The following PAK1 variants were observed in gnomAD, a reference collection of about 807,000 sequenced individuals.
PAK1 encodes the protein p21 (RAC1) activated kinase 1, also known as serine/threonine-protein kinase PAK 1.
PAK1 carries 29 observed loss-of-function variants against 67.4 expected under a neutral mutation model. The observed-to-expected ratio is 0.43, with a 90% confidence interval of 0.32 to 0.59. The LOEUF is 0.59. Among genes scored for constraint, PAK1 ranks in the 20% least tolerant of loss-of-function variants. The probability of loss-of-function intolerance (pLI) is 0.07; values close to 1 mark genes in which losing one functional copy is unlikely to be tolerated. For missense variants in PAK1, 337 were observed against 670.7 expected (o/e 0.50, Z 5.50); for synonymous variants, 223 against 237.4 (o/e 0.94, Z 0.56).
chr11:77,324,889 A>C (rs1939416925), intron 14 of PAK1, among the ~76,000 whole-genome samples: 1 of 152,234 alleles, frequency 6.6e-6, no homozygotes, highest in Non-Finnish European at 1.5e-5. Context: ...GATAGTATAA[A>C]GAGCTACTGA....
At chr11:77,485,455 C>A in the PAK1 span, among the ~76,000 whole-genome samples, 1 of 149,434 alleles carries the variant, frequency 6.7e-6, no homozygotes, top group Non-Finnish European at 1.5e-5. Flanking sequence ...CTACTATATA[C>A]CCACAAAAAT....
In PAK1 at chr11:77,374,991, G is replaced by A. The variant is rs529305094; in HGVS notation, c.440-626C>T. ...TGAGTAAATGTGAAGGCCTAAGTAG[G>A]ACATTACCAGTGTACACTTAGGCTA... On this transcript the variant is annotated intron_variant, in intron 4 of 14. Transcript: ENST00000356341. Among the ~76,000 whole-genome samples the A allele has an allele frequency of 3.9e-5, 6 of 152,256 alleles. 1 individual carries two copies. Among genetic ancestry groups the A allele is most frequent in the Admixed American group, 1.3e-4 (2 of 15,288 alleles).
At chr11:77,460,992 G>A (rs1028015199) in intron 1 of PAK1, among the ~76,000 whole-genome samples, 2 of 152,186 alleles carry the variant, frequency 1.3e-5, no homozygotes, top group African/African-American at 4.8e-5. Context: ...AACTAGGCTT[G>A]TGGAAAAGGT....
chr11:77,432,155 C>A (rs1241783051), intron 1 of PAK1, among the ~76,000 whole-genome samples: 2 of 152,030 alleles, frequency 1.3e-5, no homozygotes, highest in East Asian at 1.9e-4. Context: ...AAAATCAATT[C>A]ATTAATACCC....
In PAK1 at chr11:77,451,984, T is replaced by C. The variant is rs531225718; in HGVS notation, c.-22+21568A>G. ...ATTTCTTTTCCCCTACATTTATATA[T>C]ATTAATGTCCTCAAAACAACCCTGT... is the stretch of plus-strand genomic sequence containing the variant. On this transcript the variant is annotated intron_variant, in intron 1 of 14. Coordinates refer to ENST00000356341, the MANE Select transcript of PAK1 (RefSeq NM_002576.5). 9.2e-5 allele frequency among the ~76,000 whole-genome samples: 14 copies of C among 152,318 alleles called. No homozygotes were observed. The South Asian group carries it at 2.1e-3, about 23-fold the overall frequency.
At chr11:77,347,065 A>C (rs538878260) in intron 9 of PAK1, 1 of 456,224 alleles carries the variant, frequency 2.2e-6, no homozygotes, top group Non-Finnish European at 4.4e-6. Flanking sequence ...GGACTCCAAT[A>C]AAGATTTATT....
Position 77,462,046 on chromosome 11 carries a change from G to A in PAK1, c.-22+11506C>T, listed in dbSNP as rs573724463. Reference sequence around the variant, plus strand: ...CTTTAAGAATTTTCCACATCTTTTCGCCGGGCGCTGTGGCTCACGCCTGTA... The same window carrying A: ...CTTTAAGAATTTTCCACATCTTTTCACCGGGCGCTGTGGCTCACGCCTGTA... On this transcript the variant is annotated intron_variant, in intron 1 of 14. Coordinates refer to ENST00000356341, the MANE Select transcript of PAK1 (RefSeq NM_002576.5). 4.6e-4 allele frequency among the ~76,000 whole-genome samples: 70 copies of A among 152,272 alleles called. 1 individual carries two copies. The South Asian group carries it at 0.012, about 27-fold the overall frequency.
At chr11:77,345,040 T>A (rs973075937) in intron 9 of PAK1, among the ~76,000 whole-genome samples, 1 of 152,204 alleles carries the variant, frequency 6.6e-6, no homozygotes, top group African/African-American at 2.4e-5. Flanking sequence ...TTACTCTTTT[T>A]GTATCAGGCC....
chr11:77,408,707 T>C (rs1424699941), intron 1 of PAK1, among the ~76,000 whole-genome samples: 2 of 151,952 alleles, frequency 1.3e-5, no homozygotes, highest in Non-Finnish European at 2.9e-5. Context: ...ACCCACAAAA[T>C]GGGAGAAAAT....
chr11:77,383,484 C>G (rs1292014582), intron 2 of PAK1, among the ~76,000 whole-genome samples: 1 of 152,068 alleles, frequency 6.6e-6, no homozygotes, highest in Non-Finnish European at 1.5e-5. Flanking sequence ...CGCCACCATA[C>G]CCAGTTACTT....
the PAK1 span, among the ~76,000 whole-genome samples, chr11:77,488,282 C>A: frequency 3.3e-3 from 496 of 152,212 alleles, 5 homozygotes; most frequent in African/African-American, 0.012. Context: ...GATCACAACA[C>A]CCGAGTCCCT....
the PAK1 span, among the ~76,000 whole-genome samples, chr11:77,512,095 G>A: frequency 2.6e-5 from 4 of 152,174 alleles, no homozygotes; most frequent in Non-Finnish European, 5.9e-5. Flanking sequence ...GGGTCCAGTG[G>A]GGAAGGAAAG....
At chr11:77,495,727 T>C in the PAK1 span, among the ~76,000 whole-genome samples, 1 of 152,198 alleles carries the variant, frequency 6.6e-6, no homozygotes, top group Non-Finnish European at 1.5e-5. Context: ...AAAGAACTTC[T>C]TGCACATGCT....
the PAK1 span, among the ~76,000 whole-genome samples, chr11:77,520,007 C>CT: frequency 1.3e-5 from 2 of 152,282 alleles, no homozygotes; most frequent in Admixed American, 6.5e-5. Context: ...CTGTGGCCCC[C>CT]CCCTCCGCCC....
chr11:77,385,542 T>C (rs1950337396), intron 2 of PAK1, among the ~76,000 whole-genome samples: 1 of 152,170 alleles, frequency 6.6e-6, no homozygotes, highest in Admixed American at 6.5e-5. Context: ...TATATCTAAA[T>C]AAGGATTCCT....
At position 77,349,468 on chromosome 11, in the gene PAK1, T is replaced by C. The variant is rs1944928306; in HGVS notation, c.837-181A>G. The C allele has an allele frequency of 9.9e-6, 6 of 604,234 alleles. No homozygotes were observed. In the East Asian group the frequency reaches 1.7e-4, roughly 17 times the overall value. 37.4% of individuals were successfully genotyped at this position (604,234 alleles called of 1,614,324 possible). ...GCTATAAGAGGTAGTACAGAGAATG[T>C]AGGCTCTAGTGGCCAGGAGACCTGA... On this transcript the variant is annotated intron_variant, in intron 8 of 14. Transcript: ENST00000356341.
intron 4 of PAK1, among the ~76,000 whole-genome samples, chr11:77,377,497 T>C (rs896281653): frequency 3.3e-5 from 5 of 152,230 alleles, no homozygotes; most frequent in Non-Finnish European, 7.3e-5. Flanking sequence ...CACGTATCTG[T>C]ACATATACAC....
At chr11:77,369,994 T>C (rs1032377031) in intron 5 of PAK1, among the ~76,000 whole-genome samples, 1 of 152,234 alleles carries the variant, frequency 6.6e-6, no homozygotes, top group African/African-American at 2.4e-5. Flanking sequence ...TTCATATTTA[T>C]AAGTGAAGGA....
intron 14 of PAK1, among the ~76,000 whole-genome samples, chr11:77,330,000 A>G (rs1161607402): frequency 6.6e-6 from 1 of 152,022 alleles, no homozygotes; most frequent in Non-Finnish European, 1.5e-5. Context: ...ACAGACAAAC[A>G]GAGAGCCAAA....
Sources: gnomAD v4.1 joint callset for allele counts (sites outside exome capture counted in the v4.1 genomes callset) on GRCh38, gnomAD v4.1.1 for gene constraint, MANE v1.5 for transcripts, NCBI Gene and HGNC (gene_info 2026-07-23, HGNC 2026-07-21) for gene names.